LRP1B: variants seen among roughly 807,000 people sequenced by gnomAD.
LRP1B encodes low-density lipoprotein receptor-related protein 1B.
A neutral mutation model predicts 556.6 loss-of-function variants in LRP1B; 217 were observed. The observed-to-expected ratio is 0.39, with a 90% confidence interval of 0.35 to 0.44. The LOEUF (loss-of-function observed/expected upper bound fraction) is 0.44. LRP1B is among the 20% of genes least tolerant of loss of function. The pLI is 1.00. For synonymous variants in LRP1B, 2,047 were observed against 1,865.8 expected (o/e 1.10, Z -2.50); for missense variants, 5,053 against 5,620.8 (o/e 0.90, Z 3.23).
intron 3 of LRP1B, among the ~76,000 whole-genome samples, chr2:141,398,887 A>G (rs570907078): frequency 1.5e-4 from 23 of 152,296 alleles, no homozygotes; most frequent in African/African-American, 5.1e-4. Context: ...TACAGACACT[A>G]AGCCAGTTCC....
intron 10 of LRP1B, among the ~76,000 whole-genome samples, chr2:141,051,760 T>C (rs1699042721): frequency 6.6e-6 from 1 of 152,052 alleles, no homozygotes; most frequent in South Asian, 2.1e-4. Flanking sequence ...TTTTGCATGT[T>C]TGAATTGCAT....
chr2:141,154,916 T>C (rs1260833422), intron 7 of LRP1B, among the ~76,000 whole-genome samples: 3 of 151,952 alleles, frequency 2.0e-5, no homozygotes, highest in Admixed American at 6.6e-5. Context: ...AAGAGTTCAG[T>C]ATAGCCAGTG....
intron 66 of LRP1B, among the ~76,000 whole-genome samples, chr2:140,407,954 T>TA (rs898157008): frequency 8.6e-5 from 13 of 151,618 alleles, no homozygotes; most frequent in South Asian, 2.1e-4. Context: ...AATGAGTGGA[T>TA]AAAAAAAATA....
At chr2:140,328,472 GAAAGA>G (rs1406254055) in intron 79 of LRP1B, among the ~76,000 whole-genome samples, 2 of 146,706 alleles carry the variant, frequency 1.4e-5, no homozygotes, top group Non-Finnish European at 3.0e-5. Context: ...GGAAGAAAAT[GAAAGA>G]AAAAAAAAAA....
At chr2:140,503,183 C>A (rs2104897218) in intron 53 of LRP1B, 80 bp from the exon 54 acceptor site, 1 of 1,274,334 alleles carries the variant, frequency 7.8e-7, no homozygotes, top group Non-Finnish European at 1.1e-6. Context: ...GTACACTACA[C>A]CGGATTAATG....
chr2:141,925,042 C>T (rs1700296558), intron 1 of LRP1B, among the ~76,000 whole-genome samples: 1 of 152,118 alleles, frequency 6.6e-6, no homozygotes, highest in Admixed American at 6.6e-5. Flanking sequence ...TATGACAAGT[C>T]TGACAAGAAG....
chr2:141,638,311 C>T lies in LRP1B; in HGVS notation c.206-157778G>A, dbSNP rs569580282. 9.2e-5 allele frequency among the ~76,000 whole-genome samples: 14 copies of T among 152,298 alleles called. No individual in the cohort carries two copies. The East Asian group carries it at 1.7e-3, about 19-fold the overall frequency. Reference sequence around the variant, plus strand: ...TGATTGGAAGCTTCTTGGAAGCCCTCATGGGAAGCCGATTCCACCATTTTG... The same window carrying T: ...TGATTGGAAGCTTCTTGGAAGCCCTTATGGGAAGCCGATTCCACCATTTTG... On this transcript the variant is annotated intron_variant, in intron 2 of 90. Coordinates refer to ENST00000389484, the MANE Select transcript of LRP1B (RefSeq NM_018557.3).
At chr2:141,195,432 T>A (rs1185500888) in intron 6 of LRP1B, among the ~76,000 whole-genome samples, 1 of 152,164 alleles carries the variant, frequency 6.6e-6, no homozygotes, top group African/African-American at 2.4e-5. Flanking sequence ...CCATAGAAAC[T>A]GTAAGATAAT....
intron 1 of LRP1B, among the ~76,000 whole-genome samples, chr2:141,898,752 T>A (rs1057451843): frequency 6.6e-6 from 1 of 152,122 alleles, no homozygotes; most frequent in South Asian, 2.1e-4. Flanking sequence ...AAGTGTTACA[T>A]CCTTATTATC....
At chr2:141,608,947 T>C (rs1383706546) in intron 2 of LRP1B, among the ~76,000 whole-genome samples, 1 of 152,222 alleles carries the variant, frequency 6.6e-6, no homozygotes, top group African/African-American at 2.4e-5. Flanking sequence ...TTCACCTGTT[T>C]GTCAATGACC....
chr2:141,885,941 G>A (rs776325664), intron 1 of LRP1B, among the ~76,000 whole-genome samples: 15 of 152,252 alleles, frequency 9.9e-5, no homozygotes, highest in Non-Finnish European at 1.3e-4. Context: ...CTGGTTTCTA[G>A]GTTAATGAGT....
At chr2:140,624,538 T>C (rs1310429681) in intron 41 of LRP1B, among the ~76,000 whole-genome samples, 1 of 152,202 alleles carries the variant, frequency 6.6e-6, no homozygotes, top group African/African-American at 2.4e-5. Flanking sequence ...GAGATACTTA[T>C]CGCTGAGGAG....
intron 43 of LRP1B, among the ~76,000 whole-genome samples, chr2:140,564,637 C>T (rs1681059727): frequency 6.6e-6 from 1 of 152,048 alleles, no homozygotes; most frequent in African/African-American, 2.4e-5. Flanking sequence ...TTAACCTTGA[C>T]AGCATAAAAA....
chr2:141,114,273 G>C (rs1700825817), intron 7 of LRP1B, among the ~76,000 whole-genome samples: 1 of 152,220 alleles, frequency 6.6e-6, no homozygotes, highest in African/African-American at 2.4e-5. Flanking sequence ...GGACAGCTAA[G>C]TGTTAAATCA....
intron 35 of LRP1B, among the ~76,000 whole-genome samples, chr2:140,742,454 T>C (rs1182347354): frequency 6.6e-6 from 1 of 152,196 alleles, no homozygotes; most frequent in Non-Finnish European, 1.5e-5. Context: ...TAGTGAGATA[T>C]AATTAAAATA....
At chr2:142,062,058 T>C (rs1165268454) in intron 1 of LRP1B, among the ~76,000 whole-genome samples, 1 of 151,850 alleles carries the variant, frequency 6.6e-6, no homozygotes, top group Non-Finnish European at 1.5e-5. Flanking sequence ...AAATGCATAA[T>C]GTCCACTCCA....
At chr2:140,998,179 T>C (rs953651274) in intron 15 of LRP1B, among the ~76,000 whole-genome samples, 1 of 152,050 alleles carries the variant, frequency 6.6e-6, no homozygotes, top group African/African-American at 2.4e-5. Context: ...CATTGACACA[T>C]AATTGTGCAA....
intron 41 of LRP1B, among the ~76,000 whole-genome samples, chr2:140,637,893 T>C (rs1222554196): frequency 6.6e-6 from 1 of 152,202 alleles, no homozygotes; most frequent in Non-Finnish European, 1.5e-5. Context: ...AAAAGTCTTC[T>C]AAAATCAAAC....
At chr2:140,567,281 C>G (rs1681162138) in intron 43 of LRP1B, among the ~76,000 whole-genome samples, 1 of 152,196 alleles carries the variant, frequency 6.6e-6, no homozygotes, top group Non-Finnish European at 1.5e-5. Context: ...TGCTACTGCA[C>G]TTGGCCTCAG....
Sources: gnomAD v4.1 joint callset for allele counts (sites outside exome capture counted in the v4.1 genomes callset) on GRCh38, gnomAD v4.1.1 for gene constraint, MANE v1.5 for transcripts, NCBI Gene and HGNC (gene_info 2026-07-23, HGNC 2026-07-21) for gene names.